Variants in STK32B observed in about 807,000 individuals in gnomAD.
STK32B encodes serine/threonine-protein kinase 32B.
Under a neutral mutation model 52.6 loss-of-function variants are expected in STK32B, and 43 were observed. The observed-to-expected ratio is 0.82, with a 90% CI of 0.64 to 1.05. The LOEUF (loss-of-function observed/expected upper bound fraction) is 1.05, where lower values mean the gene tolerates loss of function less well. STK32B is among the 50% of genes least tolerant of loss of function. The pLI, the probability that STK32B is intolerant of heterozygous loss-of-function variation, is 0.00. For synonymous variants in STK32B, 238 were observed against 204.3 expected, an observed-to-expected ratio of 1.17 and a Z score of -1.41; for missense variants, 621 against 534.6, an observed-to-expected ratio of 1.16 and a Z score of -1.59.
At chr4:5,118,698 T>C (rs1293562940) in intron 1 of STK32B, among the ~76,000 whole-genome samples, 1 of 152,182 alleles carries the variant, frequency 6.6e-6, no homozygotes, top group African/African-American at 2.4e-5. Flanking sequence ...TCCTTTCCTC[T>C]CTGTCTTCCT....
At chr4:5,254,749 C>A (rs1198011638) in intron 3 of STK32B, among the ~76,000 whole-genome samples, 3 of 152,044 alleles carry the variant, frequency 2.0e-5, no homozygotes, top group Non-Finnish European at 4.4e-5. Context: ...TGGACTTGGC[C>A]AGAGTCAGGT....
chr4:5,205,703 C>CGTGTGT (rs71169688), intron 3 of STK32B, among the ~76,000 whole-genome samples: 146 of 141,028 alleles, frequency 1.0e-3, no homozygotes, highest in Non-Finnish European at 1.6e-3. Flanking sequence ...GGCGCGCGCG[C>CGTGTGT]GTGTGTGTGT....
At chr4:5,438,237 A>G (rs1418574641) in intron 6 of STK32B, among the ~76,000 whole-genome samples, 2 of 152,226 alleles carry the variant, frequency 1.3e-5, no homozygotes, top group East Asian at 3.8e-4. Context: ...GGTGCAGGGA[A>G]GGAAGTCCCT....
chr4:5,221,771 A>T (rs778640319), intron 3 of STK32B, among the ~76,000 whole-genome samples: 4 of 149,434 alleles, frequency 2.7e-5, no homozygotes, highest in Non-Finnish European at 3.0e-5. Context: ...CAGGAGAATC[A>T]CTTGAACCAG....
intron 2 of STK32B, among the ~76,000 whole-genome samples, chr4:5,164,064 C>T (rs994087959): frequency 6.6e-6 from 1 of 152,198 alleles, no homozygotes; most frequent in African/African-American, 2.4e-5. Flanking sequence ...GAGTGTTTGG[C>T]CAGGTTATTT....
chr4:5,142,311 C>G (rs73794792), intron 2 of STK32B, among the ~76,000 whole-genome samples: 2,548 of 152,292 alleles, frequency 0.017, 72 homozygotes, highest in African/African-American at 0.058. Context: ...CTGATGATTT[C>G]TGCTTCTCTT....
At position 5,287,039 on chromosome 4, in the gene STK32B, G is replaced by A. The variant is rs189068294; in HGVS notation, c.261-44181G>A. Among the ~76,000 whole-genome samples the A allele has an allele frequency of 4.1e-3, 623 of 152,016 alleles. 8 individuals are homozygous for A. Among genetic ancestry groups the A allele is most frequent in the African/African-American group, 0.013 (552 of 41,470 alleles). On this transcript the variant is annotated intron_variant, in intron 3 of 11. Transcript: ENST00000282908. ...CCTCTAACTCCTGACCTCGTGTTCCGCCCACCTCGGCCTCCCAAAGTGCTG... is the reference window on the plus strand; with the variant it reads ...CCTCTAACTCCTGACCTCGTGTTCCACCCACCTCGGCCTCCCAAAGTGCTG...
At chr4:5,254,034 C>G (rs1194555876) in intron 3 of STK32B, among the ~76,000 whole-genome samples, 2 of 152,184 alleles carry the variant, frequency 1.3e-5, no homozygotes, top group African/African-American at 2.4e-5. Flanking sequence ...ATCCACCCGC[C>G]TCAGCCTCCC....
chr4:5,146,166 A>G (rs1017224178), intron 2 of STK32B, among the ~76,000 whole-genome samples: 1 of 151,890 alleles, frequency 6.6e-6, no homozygotes, highest in Admixed American at 6.6e-5. Flanking sequence ...ATATGTATAT[A>G]TGAAGGGGAG....
At chr4:5,153,596 T>A (rs569360314) in intron 2 of STK32B, among the ~76,000 whole-genome samples, 2 of 152,082 alleles carry the variant, frequency 1.3e-5, no homozygotes, top group African/African-American at 4.8e-5. Flanking sequence ...CAAAAACATT[T>A]TATATAATGC....
At chr4:5,255,746 A>G (rs1304003467) in intron 3 of STK32B, among the ~76,000 whole-genome samples, 1 of 152,180 alleles carries the variant, frequency 6.6e-6, no homozygotes, top group African/African-American at 2.4e-5. Context: ...TCATTGATAT[A>G]CTATTGTATA....
chr4:5,489,415 A>G (rs1204245757), intron 11 of STK32B, among the ~76,000 whole-genome samples: 2 of 152,188 alleles, frequency 1.3e-5, no homozygotes, highest in Non-Finnish European at 2.9e-5. Flanking sequence ...TTAAATTAGC[A>G]ATACTTAATT....
chr4:5,071,614 C>A (rs1055376542), intron 1 of STK32B, among the ~76,000 whole-genome samples: 1 of 152,184 alleles, frequency 6.6e-6, no homozygotes, highest in East Asian at 1.9e-4. Flanking sequence ...AGTTTCTTAA[C>A]CCTTCTCTCC....
chr4:5,119,009 T>C (rs1714884912), intron 1 of STK32B, among the ~76,000 whole-genome samples: 3 of 152,240 alleles, frequency 2.0e-5, no homozygotes, highest in Admixed American at 1.3e-4. Context: ...CCTAATTTTC[T>C]TCCCTACCTA....
chr4:5,446,592 T>C (rs3733183), intron 6 of STK32B, 81 bp from the exon 7 acceptor site: 98,633 of 1,207,752 alleles, frequency 0.082, 7,117 homozygotes, highest in East Asian at 0.36. Context: ...AAGCTCAATT[T>C]CTCTCCTTGT....
chr4:5,467,863 C>T lies in STK32B; in HGVS notation c.1042-143C>T, dbSNP rs894253163. On this transcript the variant is annotated intron_variant, in intron 10 of 11. Coordinates refer to ENST00000282908, the MANE Select transcript of STK32B (RefSeq NM_018401.3). The surrounding 1 kb of genome is among the most constrained non-coding windows in gnomAD (Gnocchi z 5.8). The stretch of plus-strand genomic sequence containing the variant: ...CAGCCACCCATGCAGTCAGGGTCAG[C>T]CCCAGACACTTAGCTTGGCTTGTCC... 1 of 862,494 alleles carries T rather than the reference C, an allele frequency of 1.2e-6. No homozygotes were observed. The highest frequency in any genetic ancestry group is 1.9e-5 in the Admixed American group (1 of 53,704). The allele number at this position is 862,494 out of a possible 1,614,324, so 53.4% of individuals were successfully genotyped here.
chr4:5,039,583 C>G, the STK32B span, among the ~76,000 whole-genome samples: 1 of 152,150 alleles, frequency 6.6e-6, no homozygotes, highest in African/African-American at 2.4e-5. Context: ...AAATAGGAGG[C>G]ACACATTTTA....
chr4:5,478,990 T>G (rs1322556555), intron 11 of STK32B, among the ~76,000 whole-genome samples: 3 of 152,084 alleles, frequency 2.0e-5, no homozygotes, highest in Non-Finnish European at 4.4e-5. Flanking sequence ...CAAGTCAGAC[T>G]CCCAGGCTGA....
intron 6 of STK32B, among the ~76,000 whole-genome samples, chr4:5,440,702 T>C (rs1445995574): frequency 6.6e-6 from 1 of 152,214 alleles, no homozygotes; most frequent in Admixed American, 6.5e-5. Flanking sequence ...AGGAAATGCT[T>C]CCAGTTTTTG....
Sources: allele counts gnomAD v4.1 joint callset (sites outside exome capture counted in the v4.1 genomes callset), GRCh38; gene constraint gnomAD v4.1.1; non-coding constraint Gnocchi (gnomAD v3.1); transcripts MANE v1.5; gene names NCBI Gene and HGNC (gene_info 2026-07-23, HGNC 2026-07-21).